Variants in QTGAL observed in about 807,000 individuals in gnomAD.
QTGAL encodes the protein BGnT-like protein 1.
the QTGAL span, chr17:83,048,704 T>A: frequency 6.2e-7 from 1 of 1,614,080 alleles, no homozygotes; most frequent in Non-Finnish European, 8.5e-7. Flanking sequence ...AGCTCCATGG[T>A]ACCTTCAAAG....
the QTGAL span, chr17:83,011,333 C>T: frequency 6.6e-6 from 1 of 152,238 alleles, no homozygotes; most frequent in African/African-American, 2.4e-5. Context: ...AGTGATTTAT[C>T]TACATGCAAA....
chr17:83,015,625 C>T, the QTGAL span, among the ~76,000 whole-genome samples: 3 of 152,222 alleles, frequency 2.0e-5, no homozygotes, highest in South Asian at 2.1e-4. The surrounding 1 kb of genome is among the most constrained non-coding windows in gnomAD (Gnocchi z 4.4). Flanking sequence ...TCCCAATTCC[C>T]GGGGAAGCGG....
chr17:83,048,906 C>T, the QTGAL span: 9 of 759,758 alleles, frequency 1.2e-5, no homozygotes, highest in Non-Finnish European at 1.8e-5. Flanking sequence ...GTGTCCACTC[C>T]TTTTCTCCAG....
chr17:83,049,541 T>G, the QTGAL span, among the ~76,000 whole-genome samples: 2 of 151,142 alleles, frequency 1.3e-5, no homozygotes, highest in African/African-American at 4.9e-5. Context: ...GCCTCCCGAG[T>G]AGCTGGGATT....
At chr17:83,031,709 G>A in the QTGAL span, among the ~76,000 whole-genome samples, 2 of 152,362 alleles carry the variant, frequency 1.3e-5, no homozygotes, top group South Asian at 4.1e-4. Context: ...ACTGCAGCAG[G>A]TGTGGGGTGG....
At chr17:82,962,202 G>A in the QTGAL span, among the ~76,000 whole-genome samples, 13 of 152,120 alleles carry the variant, frequency 8.5e-5, no homozygotes, top group African/African-American at 3.1e-4. Flanking sequence ...CGGCCCAACC[G>A]CTGGCCTGTT....
chr17:83,023,434 T>C, the QTGAL span, among the ~76,000 whole-genome samples: 2 of 152,282 alleles, frequency 1.3e-5, no homozygotes, highest in African/African-American at 4.8e-5. Context: ...GCAGATTCTA[T>C]ACAGCTGATA....
At chr17:82,942,172 A>G in the QTGAL span, 1 of 550,458 alleles carries the variant, frequency 1.8e-6, no homozygotes, top group Admixed American at 3.5e-5. Flanking sequence ...TTACATTTTT[A>G]TTAGGAAAAA....
the QTGAL span, among the ~76,000 whole-genome samples, chr17:82,966,588 G>A: frequency 6.6e-6 from 1 of 152,134 alleles, no homozygotes; most frequent in African/African-American, 2.4e-5. Context: ...AGACATCAGG[G>A]GCGTCAGTGG....
At chr17:83,012,424 A>G in the QTGAL span, among the ~76,000 whole-genome samples, 1 of 152,336 alleles carries the variant, frequency 6.6e-6, no homozygotes, top group East Asian at 1.9e-4. Context: ...TAAAATGTCA[A>G]CACTCCTAAC....
chr17:83,020,535 C>CCAAAGACACA, the QTGAL span, among the ~76,000 whole-genome samples: 2 of 152,378 alleles, frequency 1.3e-5, no homozygotes, highest in Non-Finnish European at 2.9e-5. Context: ...AGACCGAGGT[C>CCAAAGACACA]TGGAGCGGAG....
At chr17:82,974,155 G>C in the QTGAL span, among the ~76,000 whole-genome samples, 1 of 152,176 alleles carries the variant, frequency 6.6e-6, no homozygotes, top group Non-Finnish European at 1.5e-5. Flanking sequence ...TGTCCTCTAC[G>C]GAGCTGGCAG....
chr17:82,972,449 C>G, the QTGAL span, among the ~76,000 whole-genome samples: 2 of 125,728 alleles, frequency 1.6e-5, no homozygotes, highest in Non-Finnish European at 3.1e-5. Flanking sequence ...CTAGAAGGAC[C>G]TGGTGCTGAC....
the QTGAL span, among the ~76,000 whole-genome samples, chr17:82,977,179 C>T: frequency 5.9e-5 from 9 of 152,248 alleles, no homozygotes; most frequent in Non-Finnish European, 4.4e-5. Flanking sequence ...AAGGAAAGAT[C>T]GAGGACACCC....
At chr17:83,005,035 A>G in the QTGAL span, 3 of 1,199,624 alleles carry the variant, frequency 2.5e-6, no homozygotes, top group Non-Finnish European at 3.5e-6. This position sits in a 1 kb window ranked among gnomAD's most constrained non-coding sequence, Gnocchi z 5.6. Flanking sequence ...CGCAGACACA[A>G]GAGGCCACAG....
the QTGAL span, among the ~76,000 whole-genome samples, chr17:82,959,765 G>A: frequency 9.9e-5 from 15 of 152,186 alleles, no homozygotes; most frequent in Admixed American, 6.5e-4. Context: ...CCTCCTCGAC[G>A]GCCCCTTGTC....
chr17:83,001,840 G>A, the QTGAL span, among the ~76,000 whole-genome samples: 26 of 152,154 alleles, frequency 1.7e-4, no homozygotes, highest in Admixed American at 7.9e-4. Context: ...TACAATCATG[G>A]CTCATGGTGG....
chr17:83,043,362 A>C, the QTGAL span, among the ~76,000 whole-genome samples: 1 of 152,236 alleles, frequency 6.6e-6, no homozygotes, highest in Non-Finnish European at 1.5e-5. Flanking sequence ...AATAAGTAAC[A>C]GAAGTAAAAC....
chr17:82,996,535 A>AAT, the QTGAL span, among the ~76,000 whole-genome samples: 1 of 152,028 alleles, frequency 6.6e-6, no homozygotes, highest in Non-Finnish European at 1.5e-5. Flanking sequence ...AAAAAAAAAA[A>AAT]AAATAGAAAA....
Sources: gnomAD v4.1 joint callset for allele counts (sites outside exome capture counted in the v4.1 genomes callset) on GRCh38, gnomAD v4.1.1 for gene constraint, Gnocchi (gnomAD v3.1) non-coding constraint, MANE v1.5 for transcripts, NCBI Gene and HGNC (gene_info 2026-07-23, HGNC 2026-07-21) for gene names.